The following NRCAM variants were observed in gnomAD, a reference collection of about 807,000 sequenced individuals.
NRCAM encodes the protein neuronal cell adhesion molecule.
A neutral mutation model predicts 156.5 loss-of-function variants in NRCAM; 83 were observed. The observed-to-expected ratio is 0.53, with a 90% CI of 0.44 to 0.64. NRCAM has a LOEUF of 0.64. NRCAM is among the 30% of genes least tolerant of loss of function. NRCAM has a pLI of 0.00. For missense variants in NRCAM, 1,417 were observed against 1,597.3 expected (o/e 0.89, Z 1.92); for synonymous variants, 538 against 563.9 (o/e 0.95, Z 0.65).
intron 1 of NRCAM, among the ~76,000 whole-genome samples, chr7:108,433,160 C>A (rs1439894087): frequency 6.6e-6 from 1 of 152,078 alleles, no homozygotes; most frequent in East Asian, 1.9e-4. Context: ...GTGTAGAATC[C>A]CAGCTTGAAG....
chr7:108,334,934 TTTATA>T (rs1263246101), intron 2 of NRCAM, among the ~76,000 whole-genome samples: 29 of 152,372 alleles, frequency 1.9e-4, no homozygotes, highest in East Asian at 3.9e-4. Context: ...CATTTTGCTC[TTTATA>T]TTATATTAAG....
intron 11 of NRCAM, among the ~76,000 whole-genome samples, chr7:108,214,997 G>A: frequency 6.6e-6 from 1 of 152,092 alleles, no homozygotes; most frequent in East Asian, 1.9e-4. Flanking sequence ...CATTTGGTGA[G>A]GAGTGTTTTA....
intron 1 of NRCAM, among the ~76,000 whole-genome samples, chr7:108,408,872 A>T (rs1791731956): frequency 6.6e-6 from 1 of 152,162 alleles, no homozygotes; most frequent in Non-Finnish European, 1.5e-5. Context: ...GTTCAGTGGG[A>T]TGACTGTAGA....
Position 108,150,610 on chromosome 7 carries a change from T to C in NRCAM, c.3678-463A>G, listed in dbSNP as rs182364184. 352 of 487,868 alleles carry C rather than the reference T, an allele frequency of 7.2e-4. 2 individuals are homozygous for C. Among genetic ancestry groups the C allele is most frequent in the African/African-American group, 6.8e-3 (335 of 49,310 alleles). The allele number at this position is 487,868 out of a possible 1,614,324, so 30.2% of individuals were successfully genotyped here. A position where few individuals can be genotyped will look rare whatever the true frequency, so the allele number is the denominator to read the frequency against. On this transcript the variant is annotated intron_variant, in intron 32 of 32. Transcript: ENST00000379028. ...TTAAGTGTGAAATGTGGATTTTTTT[T>C]TTCTGAGCCAGAAGGAGAAGCAAAA...
At chr7:108,263,772 G>A (rs1252208094) in intron 3 of NRCAM, among the ~76,000 whole-genome samples, 1 of 152,174 alleles carries the variant, frequency 6.6e-6, no homozygotes, top group Non-Finnish European at 1.5e-5. Flanking sequence ...CACCAGCAAG[G>A]AACACATGTT....
At chr7:108,348,793 C>A (rs1030264454) in intron 2 of NRCAM, among the ~76,000 whole-genome samples, 1 of 151,488 alleles carries the variant, frequency 6.6e-6, no homozygotes, top group Non-Finnish European at 1.5e-5. Context: ...CCCAGCCACT[C>A]GGGAGGCTGA....
intron 2 of NRCAM, among the ~76,000 whole-genome samples, chr7:108,332,784 A>G (rs1388225114): frequency 6.6e-6 from 1 of 152,244 alleles, no homozygotes; most frequent in Non-Finnish European, 1.5e-5. Context: ...TCTTATTCAA[A>G]ACACATGTCT....
chr7:108,428,171 A>G (rs965857692), intron 1 of NRCAM, among the ~76,000 whole-genome samples: 1 of 152,222 alleles, frequency 6.6e-6, no homozygotes, highest in Non-Finnish European at 1.5e-5. Context: ...ATTAGTCACA[A>G]CACCATGCTA....
At chr7:108,298,446 C>T (rs1470971316) in intron 3 of NRCAM, among the ~76,000 whole-genome samples, 1 of 151,010 alleles carries the variant, frequency 6.6e-6, no homozygotes, top group Non-Finnish European at 1.5e-5. Flanking sequence ...GAGATGGAGA[C>T]CATATTGGCT....
intron 25 of NRCAM, among the ~76,000 whole-genome samples, chr7:108,178,664 C>T (rs1259158392): frequency 1.3e-5 from 2 of 150,462 alleles, no homozygotes; most frequent in Non-Finnish European, 3.0e-5. Context: ...CCTTGGCACA[C>T]CCCCAGCCCT....
chr7:108,413,612 C>T lies in NRCAM; in HGVS notation c.-331-14019G>A, dbSNP rs143696715. 5.2e-3 allele frequency among the ~76,000 whole-genome samples: 785 copies of T among 152,278 alleles called. 7 individuals carry two copies. The highest frequency in any genetic ancestry group is 0.017 in the African/African-American group (708 of 41,558). On this transcript the variant is annotated intron_variant, in intron 1 of 32. Coordinates refer to ENST00000379028, the MANE Select transcript of NRCAM (RefSeq NM_001037132.4). ...TTCTTCCTTTACTCTGATCCTTCAACACTTACATATTTAGTCTAAATTGGC... is the reference window on the plus strand; with the variant it reads ...TTCTTCCTTTACTCTGATCCTTCAATACTTACATATTTAGTCTAAATTGGC...
At chr7:108,292,626 T>G (rs990416762) in intron 3 of NRCAM, among the ~76,000 whole-genome samples, 3 of 152,178 alleles carry the variant, frequency 2.0e-5, no homozygotes. Context: ...AGTCTGACCT[T>G]GGTTCAAAGC....
At chr7:108,364,043 T>C (rs2099576293) in intron 2 of NRCAM, among the ~76,000 whole-genome samples, 1 of 152,204 alleles carries the variant, frequency 6.6e-6, no homozygotes, top group Non-Finnish European at 1.5e-5. Flanking sequence ...TCATATTGAT[T>C]CATTAATTAT....
chr7:108,254,495 T>A (rs1056247403), intron 3 of NRCAM, among the ~76,000 whole-genome samples: 1 of 151,706 alleles, frequency 6.6e-6, no homozygotes, highest in Non-Finnish European at 1.5e-5. Flanking sequence ...CCTGAAATCC[T>A]CACATATTGC....
At chr7:108,394,397 G>A (rs2099771064) in intron 2 of NRCAM, among the ~76,000 whole-genome samples, 1 of 152,134 alleles carries the variant, frequency 6.6e-6, no homozygotes, top group South Asian at 2.1e-4. Flanking sequence ...TCATTTTAAG[G>A]CCAAATAAGT....
chr7:108,361,174 A>T (rs1438902257), intron 2 of NRCAM, among the ~76,000 whole-genome samples: 1 of 152,230 alleles, frequency 6.6e-6, no homozygotes, highest in African/African-American at 2.4e-5. Flanking sequence ...TTGAAAATTA[A>T]AATAGTAAAA....
chr7:108,430,619 T>C (rs1823781742), intron 1 of NRCAM, among the ~76,000 whole-genome samples: 1 of 152,170 alleles, frequency 6.6e-6, no homozygotes. Flanking sequence ...TTAATATATC[T>C]AGTGGCTAGA....
At chr7:108,407,761 A>G (rs983212247) in intron 1 of NRCAM, among the ~76,000 whole-genome samples, 5 of 152,186 alleles carry the variant, frequency 3.3e-5, no homozygotes, top group Admixed American at 1.3e-4. Context: ...ACCACAGGCG[A>G]TATGTTTACT....
At chr7:108,195,451 C>CTCTCTCTAT (rs67313886) in intron 15 of NRCAM, among the ~76,000 whole-genome samples, 107,017 of 151,390 alleles carry the variant, frequency 0.71, 39,104 homozygotes, top group East Asian at 0.88. Flanking sequence ...TGGTGAAACC[C>CTCTCTCTAT]TAAAAATACA....
Sources: gnomAD v4.1 joint callset for allele counts (sites outside exome capture counted in the v4.1 genomes callset) on GRCh38, gnomAD v4.1.1 for gene constraint, MANE v1.5 for transcripts, NCBI Gene and HGNC (gene_info 2026-07-23, HGNC 2026-07-21) for gene names.